DACH2: variants seen among roughly 807,000 people sequenced by gnomAD.
DACH2 encodes dachshund homolog 2.
In DACH2, 17 loss-of-function variants were observed where a neutral mutation model predicts 35.8. That is an observed-to-expected ratio of 0.48 (90% CI 0.33 to 0.71). The LOEUF is 0.71. Among genes scored for constraint, DACH2 ranks in the 30% least tolerant of loss-of-function variants. DACH2 has a pLI of 0.02. For missense variants in DACH2, 469 were observed against 472.7 expected (o/e 0.99, Z 0.07); for synonymous variants, 195 against 177.3 (o/e 1.10, Z -0.79).
chrX:86,404,118 A>G (rs1342498198), intron 2 of DACH2, among the ~76,000 whole-genome samples: 1 of 110,893 alleles, frequency 9.0e-6, no homozygotes. Context: ...GGGAACTACC[A>G]TTCAAGATGA....
intron 7 of DACH2, among the ~76,000 whole-genome samples, chrX:86,757,206 G>A (rs183326518): frequency 7.6e-4 from 85 of 111,290 alleles, no homozygotes; most frequent in African/African-American, 2.7e-3. Context: ...ATGATATTTT[G>A]ATACAAACAT....
chrX:86,663,671 A>T (rs1285988987), intron 4 of DACH2, among the ~76,000 whole-genome samples: 2 of 111,920 alleles, frequency 1.8e-5, no homozygotes, highest in Non-Finnish European at 3.8e-5. Flanking sequence ...GGTATTTCTA[A>T]ATCTTATTTA....
At chrX:86,556,779 TATATATATATATATATAG>T (rs1474509348) in intron 3 of DACH2, among the ~76,000 whole-genome samples, 39 of 64,311 alleles carry the variant, frequency 6.1e-4, no homozygotes, top group African/African-American at 1.6e-3. Context: ...TATATATATA[TATATATATATATATATAG>T]AGAGAGAGAG....
chrX:86,704,897 G>A (rs1405163773), intron 5 of DACH2, among the ~76,000 whole-genome samples: 2 of 109,722 alleles, frequency 1.8e-5, no homozygotes, highest in Non-Finnish European at 3.8e-5. Context: ...CCACTACTGG[G>A]TATGTACCCA....
chrX:86,224,515 G>T (rs1402020811), intron 1 of DACH2, among the ~76,000 whole-genome samples: 1 of 111,035 alleles, frequency 9.0e-6, no homozygotes, highest in Non-Finnish European at 1.9e-5. Context: ...AAGATTAATA[G>T]CCATCCCTAT....
intron 1 of DACH2, among the ~76,000 whole-genome samples, chrX:86,275,077 C>T (rs1006967926): frequency 9.0e-6 from 1 of 111,689 alleles, no homozygotes; most frequent in Non-Finnish European, 1.9e-5. Context: ...AATATGATCC[C>T]TGCAAGCCAG....
intron 1 of DACH2, among the ~76,000 whole-genome samples, chrX:86,207,532 TAAAC>T (rs1174101114): frequency 9.0e-6 from 1 of 110,820 alleles, no homozygotes; most frequent in East Asian, 2.8e-4. Flanking sequence ...CCCATAAATA[TAAAC>T]AATCTAGTAG....
chrX:86,530,261 G>A (rs1215324372), intron 3 of DACH2, among the ~76,000 whole-genome samples: 1 of 111,417 alleles, frequency 9.0e-6, no homozygotes, highest in Admixed American at 9.5e-5. Context: ...AGGCTGAAAG[G>A]GAGAGGGAAA....
intron 3 of DACH2, among the ~76,000 whole-genome samples, chrX:86,519,851 ATTTG>A (rs1228982804): frequency 1.1e-5 from 1 of 89,771 alleles, no homozygotes; most frequent in Non-Finnish European, 2.2e-5. Context: ...AACTTCCTGG[ATTTG>A]TTTATCTTTT....
chrX:86,229,074 A>G (rs931631105), intron 1 of DACH2, among the ~76,000 whole-genome samples: 2 of 111,006 alleles, frequency 1.8e-5, no homozygotes, highest in Admixed American at 1.9e-4. Context: ...TTCTGATTTT[A>G]TCTTCCAGAA....
intron 1 of DACH2, among the ~76,000 whole-genome samples, chrX:86,234,670 G>A (rs768696377): frequency 1.8e-5 from 2 of 108,127 alleles, no homozygotes; most frequent in East Asian, 5.8e-4. Context: ...CTGGAGTGCA[G>A]TGGTGCGATC....
intron 1 of DACH2, among the ~76,000 whole-genome samples, chrX:86,331,957 CT>C (rs2035220994): frequency 9.0e-6 from 1 of 111,537 alleles, no homozygotes; most frequent in African/African-American, 3.3e-5. Flanking sequence ...GTTTATAAGA[CT>C]CAGTTTGAAA....
At chrX:86,664,806 G>A (rs991767099) in intron 4 of DACH2, among the ~76,000 whole-genome samples, 2 of 112,214 alleles carry the variant, frequency 1.8e-5, no homozygotes, top group African/African-American at 6.5e-5. Flanking sequence ...AACCTTTCAT[G>A]TTCTACACCC....
intron 1 of DACH2, among the ~76,000 whole-genome samples, chrX:86,266,659 C>G (rs931102529): frequency 9.0e-6 from 1 of 111,288 alleles, no homozygotes; most frequent in African/African-American, 3.3e-5. Flanking sequence ...TGAGTATTAC[C>G]TTTGCAATTG....
At chrX:86,606,611 G>A (rs190014051) in intron 3 of DACH2, among the ~76,000 whole-genome samples, 51 of 111,215 alleles carry the variant, frequency 4.6e-4, no homozygotes, top group African/African-American at 1.6e-3. Flanking sequence ...GACCTAACAT[G>A]TTGTCTGGTC....
intron 7 of DACH2, among the ~76,000 whole-genome samples, chrX:86,742,248 A>C (rs1177457618): frequency 1.8e-5 from 2 of 110,897 alleles, no homozygotes; most frequent in Admixed American, 1.9e-4. Flanking sequence ...ATAGGGCTAC[A>C]TAATGTTTGA....
At chrX:86,278,547 T>C (rs2033962529) in intron 1 of DACH2, among the ~76,000 whole-genome samples, 3 of 112,642 alleles carry the variant, frequency 2.7e-5, no homozygotes, top group Admixed American at 9.4e-5. Flanking sequence ...TTTTGATTAA[T>C]AAAGATGTGT....
chrX:86,612,017 C>G (rs2039952155), intron 3 of DACH2, among the ~76,000 whole-genome samples: 1 of 107,270 alleles, frequency 9.3e-6, no homozygotes, highest in African/African-American at 3.4e-5. Flanking sequence ...TCCTTATATT[C>G]AGCCATCTTG....
intron 1 of DACH2, among the ~76,000 whole-genome samples, chrX:86,321,256 T>G (rs2035011036): frequency 8.9e-6 from 1 of 111,841 alleles, no homozygotes; most frequent in African/African-American, 3.3e-5. Flanking sequence ...ATTTACACAC[T>G]GCAAAGTTTC....
Sources: allele counts gnomAD v4.1 joint callset (sites outside exome capture counted in the v4.1 genomes callset), GRCh38; gene constraint gnomAD v4.1.1; transcripts MANE v1.5; gene names NCBI Gene and HGNC (gene_info 2026-07-23, HGNC 2026-07-21).